The following TRIM64B variants were observed in gnomAD, a reference collection of about 807,000 sequenced individuals.
The protein encoded by TRIM64B is tripartite motif containing 64B, also known as tripartite motif-containing protein 64B.
For missense variants in TRIM64B, 57 were observed against 536.4 expected, an observed-to-expected ratio of 0.11 and a Z score of 8.83; for synonymous variants, 17 against 190.3, an observed-to-expected ratio of 0.09 and a Z score of 7.50.
chr11:89,874,052 G>C (rs1950138979), exon 3 of TRIM64B: 1 of 1,549,550 alleles, frequency 6.5e-7, no homozygotes, highest in African/African-American at 1.4e-5. Context: ...TCCTCACCTG[G>C]AGCAGCACCA....
At chr11:89,875,721 C>G in exon 1 of TRIM64B, 2 of 1,491,720 alleles carry the variant, frequency 1.3e-6, no homozygotes, top group South Asian at 2.5e-5. Flanking sequence ...AGAAGAGCTC[C>G]TTAGTCTCCT....
At chr11:89,878,276 T>C (rs1950177671), upstream of TRIM64B, among the ~76,000 whole-genome samples, 1 of 131,872 alleles carries the variant, frequency 7.6e-6, no homozygotes, top group Non-Finnish European at 1.6e-5. Flanking sequence ...GTCATTTGTT[T>C]GCTTAGAAAA....
At chr11:89,876,201 T>C (rs1441454631), upstream of TRIM64B, among the ~76,000 whole-genome samples, 1 of 131,992 alleles carries the variant, frequency 7.6e-6, no homozygotes, top group Non-Finnish European at 1.6e-5. Context: ...GCTGGATTTA[T>C]AAAGTTTTCC....
chr11:89,875,405 C>T (rs1227556227), intron 1 of TRIM64B, among the ~76,000 whole-genome samples: 1 of 152,306 alleles, frequency 6.6e-6, no homozygotes, highest in East Asian at 1.9e-4. Flanking sequence ...TCTAAGGAGA[C>T]CTCCTTTAGT....
At chr11:89,873,029 G>A (rs1401944777) in intron 4 of TRIM64B, among the ~76,000 whole-genome samples, 3 of 151,836 alleles carry the variant, frequency 2.0e-5, no homozygotes, top group Non-Finnish European at 2.9e-5. Context: ...GGTTGGTCAG[G>A]ACGGATGGAC....
chr11:89,873,077 T>C (rs1463265991), intron 4 of TRIM64B, among the ~76,000 whole-genome samples, 191 bp downstream of exon 5: 1 of 152,138 alleles, frequency 6.6e-6, no homozygotes, highest in Non-Finnish European at 1.5e-5. Flanking sequence ...ATTGTTTTTA[T>C]GTATGTTTTA....
upstream of TRIM64B, among the ~76,000 whole-genome samples, chr11:89,877,128 C>G (rs1487709897): frequency 4.4e-4 from 55 of 124,472 alleles, no homozygotes; most frequent in African/African-American, 1.4e-3. Flanking sequence ...CCAAACTCAC[C>G]TATGAAGTTT....
upstream of TRIM64B, among the ~76,000 whole-genome samples, chr11:89,876,895 AC>A (rs1950168953): frequency 6.7e-6 from 1 of 149,234 alleles, no homozygotes; most frequent in Non-Finnish European, 1.5e-5. Flanking sequence ...TTTTTGTTAA[AC>A]AAGCCGTGCT....
upstream of TRIM64B, among the ~76,000 whole-genome samples, chr11:89,877,865 G>A (rs1277254300): frequency 6.0e-5 from 9 of 149,464 alleles, no homozygotes; most frequent in East Asian, 1.6e-3. Context: ...CAAGCGATCT[G>A]CCTGCCTTGG....
At chr11:89,877,329 T>A (rs1314853995), upstream of TRIM64B, among the ~76,000 whole-genome samples, 26 of 124,142 alleles carry the variant, frequency 2.1e-4, no homozygotes, top group Admixed American at 8.6e-4. Flanking sequence ...TTGTCAATTC[T>A]GATGATTAGA....
chr11:89,875,871 T>A, exon 1 of TRIM64B: 1 of 1,550,016 alleles, frequency 6.5e-7, no homozygotes, highest in Non-Finnish European at 8.7e-7. Flanking sequence ...GGCAGCGCAT[T>A]GGTGCTCTGC....
At chr11:89,871,467 A>G (rs1227945904) in intron 5 of TRIM64B, among the ~76,000 whole-genome samples, 2 of 152,140 alleles carry the variant, frequency 1.3e-5, no homozygotes, top group Non-Finnish European at 2.9e-5. Flanking sequence ...GGTAGACATC[A>G]ATTTGCTGTG....
chr11:89,877,762 G>C (rs1187567869), upstream of TRIM64B, among the ~76,000 whole-genome samples: 7 of 149,436 alleles, frequency 4.7e-5, no homozygotes, highest in Non-Finnish European at 9.0e-5. Context: ...TGGTATTACA[G>C]GTGCCCACCA....
chr11:89,876,193 T>A (rs1297869690), upstream of TRIM64B, among the ~76,000 whole-genome samples: 1 of 131,268 alleles, frequency 7.6e-6, no homozygotes, highest in Non-Finnish European at 1.6e-5. Context: ...TCATACATGC[T>A]GGATTTATAA....
At chr11:89,873,783 C>G (rs1449897272) in intron 3 of TRIM64B, among the ~76,000 whole-genome samples, 1 of 111,038 alleles carries the variant, frequency 9.0e-6, no homozygotes, top group East Asian at 2.7e-4. Flanking sequence ...AGAGTTCTAA[C>G]GATTTTAGAT....
chr11:89,872,883 C>T (rs2134704582), intron 4 of TRIM64B, among the ~76,000 whole-genome samples: 1 of 151,594 alleles, frequency 6.6e-6, no homozygotes, highest in South Asian at 2.1e-4. Flanking sequence ...AAACATCCCT[C>T]CTCAGCCCAT....
upstream of TRIM64B, among the ~76,000 whole-genome samples, chr11:89,876,345 T>G (rs1270753926): frequency 1.0e-3 from 147 of 146,298 alleles, no homozygotes; most frequent in African/African-American, 3.5e-3. Context: ...TATGTCTAGA[T>G]TACTTTGAAT....
rs572738349 is a variant in TRIM64B, at chr11:89,872,320, A to G, written c.759-8T>C. On this transcript the variant is annotated splice_region_variant and splice_polypyrimidine_tract_variant and intron_variant, in intron 4 of 5. Coordinates refer to ENST00000329862, the Ensembl canonical transcript of TRIM64B. ...ATCTGTGCCAAATCAGTCCTGCAAA[A>G]AAAATGGCCTCAGTTATATTTCCAG... is the stretch of plus-strand genomic sequence containing the variant. 2.6e-4 allele frequency: 406 copies of G among 1,533,834 alleles called. 4 individuals carry two copies. The African/African-American group carries it at 5.0e-3, about 19-fold the overall frequency.
At chr11:89,876,504 C>T (rs1162274934), upstream of TRIM64B, among the ~76,000 whole-genome samples, 1 of 149,520 alleles carries the variant, frequency 6.7e-6, no homozygotes, top group Non-Finnish European at 1.5e-5. Flanking sequence ...GGGCGGATCA[C>T]GAGGTCAGGA....
Sources: gnomAD v4.1 joint callset for allele counts (sites outside exome capture counted in the v4.1 genomes callset) on GRCh38, gnomAD v4.1.1 for gene constraint, MANE v1.5 for transcripts, NCBI Gene and HGNC (gene_info 2026-07-23, HGNC 2026-07-21) for gene names.